SH3RF2: variants seen among roughly 807,000 people sequenced by gnomAD.
SH3RF2 encodes the protein E3 ubiquitin-protein ligase SH3RF2.
In SH3RF2, 43 loss-of-function variants were observed where a neutral mutation model predicts 59.0. That is an observed-to-expected ratio of 0.73 (90% CI 0.57 to 0.94). The LOEUF (loss-of-function observed/expected upper bound fraction) is 0.94, where lower values mean the gene tolerates loss of function less well. Among genes scored for constraint, SH3RF2 ranks in the 40% least tolerant of loss-of-function variants. The pLI is 0.00. For missense variants in SH3RF2, 930 were observed against 940.1 expected, an observed-to-expected ratio of 0.99 and a Z score of 0.14; for synonymous variants, 391 against 391.5, an observed-to-expected ratio of 1.00 and a Z score of 0.01.
intron 5 of SH3RF2, among the ~76,000 whole-genome samples, chr5:146,031,363 A>G (rs1446288342): frequency 6.6e-6 from 1 of 152,236 alleles, no homozygotes; most frequent in African/African-American, 2.4e-5. Flanking sequence ...ATGAGTGGTG[A>G]AGCGAGTGAA....
chr5:146,074,819 C>T (rs1763311044), intron 9 of SH3RF2, among the ~76,000 whole-genome samples: 1 of 151,808 alleles, frequency 6.6e-6, no homozygotes, highest in Non-Finnish European at 1.5e-5. Flanking sequence ...CCCCTCACTC[C>T]CCCAACCTTT....
chr5:146,000,507 T>C (rs1263396897), intron 3 of SH3RF2, among the ~76,000 whole-genome samples, 180 bp downstream of exon 3: 1 of 152,196 alleles, frequency 6.6e-6, no homozygotes, highest in Non-Finnish European at 1.5e-5. Flanking sequence ...ATATATGTAG[T>C]GCATATATAT....
chr5:146,014,702 G>T (rs1761039566), intron 5 of SH3RF2, among the ~76,000 whole-genome samples: 2 of 152,304 alleles, frequency 1.3e-5, no homozygotes, highest in South Asian at 4.1e-4. Flanking sequence ...CCAGCCCTGG[G>T]TGTTTCCAGA....
chr5:146,040,665 A>C (rs561434287), intron 5 of SH3RF2, among the ~76,000 whole-genome samples: 105 of 152,250 alleles, frequency 6.9e-4, no homozygotes, highest in Admixed American at 1.4e-3. Context: ...TTTGAGATGA[A>C]CCTAAAGGGA....
intron 2 of SH3RF2, chr5:145,997,906 A>G: frequency 1.1e-6 from 1 of 876,686 alleles, no homozygotes; most frequent in Non-Finnish European, 2.0e-6. Context: ...GCAAACACCA[A>G]ATCAGAATCC....
chr5:145,978,235 G>T (rs1759370991), intron 2 of SH3RF2, among the ~76,000 whole-genome samples: 1 of 152,112 alleles, frequency 6.6e-6, no homozygotes, highest in Non-Finnish European at 1.5e-5. Context: ...TTTAAGCCGA[G>T]GATACCTTTC....
In SH3RF2 at chr5:146,014,035, G is replaced by A. The variant is rs1761015518; in HGVS notation, c.1033G>A (p.Asp345Asn). ...GATCACCCAGCCCATGGAGAAAGCA[G>A]ACGTTCCTTCCAGCTGTGTGGGACA... ...SVITQPMEKA[D>N]VPSSCVGQVS... The change falls in exon 5 of 10, where the codon GAC becomes AAC. Residue 345 changes from aspartate to asparagine, a missense_variant. Physicochemically the swap from Asp to Asn is conservative, Grantham distance 23. Transcript: ENST00000359120. The A allele has an allele frequency of 6.2e-7, 1 of 1,614,112 alleles. No homozygotes were observed. Among genetic ancestry groups the A allele is most frequent in the Non-Finnish European group, 8.5e-7 (1 of 1,180,010 alleles).
Position 146,013,750 on chromosome 5 carries a change from A to T in SH3RF2, c.748A>T (p.Asn250Tyr), listed in dbSNP as rs746404207. 15 of 1,613,584 alleles carry T rather than the reference A, an allele frequency of 9.3e-6. No individual in the cohort carries two copies. Among genetic ancestry groups the T allele is most frequent in the Non-Finnish European group, 1.2e-5 (14 of 1,179,916 alleles). The change falls in exon 5 of 10, where the codon AAC becomes TAC. Residue 250 changes from asparagine to tyrosine, a missense_variant. Physicochemically the swap from Asn to Tyr is moderately radical, Grantham distance 143. Coordinates refer to ENST00000359120, the MANE Select transcript of SH3RF2 (RefSeq NM_152550.4). ...ATTGGACCTTTTGTCTTTTCAGCCA[A>T]ACCTCACCGCAAGACACCTTTTAGA... The part of the protein sequence containing the change: ...GIFPILFVEP[N>Y]LTARHLLEKN...
At chr5:145,945,460 T>C (rs1287776847) in intron 2 of SH3RF2, among the ~76,000 whole-genome samples, 1 of 152,124 alleles carries the variant, frequency 6.6e-6, no homozygotes, top group East Asian at 1.9e-4. Flanking sequence ...GAAATGATGG[T>C]TTATGAAAAT....
chr5:145,983,264 T>TG (rs1554112865), intron 2 of SH3RF2, among the ~76,000 whole-genome samples: 6 of 145,654 alleles, frequency 4.1e-5, no homozygotes, highest in Non-Finnish European at 8.9e-5. Flanking sequence ...TTTTTTTTTT[T>TG]GAGAGCTGAC....
chr5:145,964,955 G>A (rs1314809669), intron 2 of SH3RF2, among the ~76,000 whole-genome samples: 17 of 152,168 alleles, frequency 1.1e-4, no homozygotes. Context: ...CACTTTGGGA[G>A]GCCGAGGCAG....
intron 2 of SH3RF2, among the ~76,000 whole-genome samples, chr5:145,966,473 G>A (rs1006066796): frequency 4.7e-5 from 7 of 148,072 alleles, no homozygotes; most frequent in African/African-American, 1.6e-4. Context: ...ATAAATGTTC[G>A]CTATTGTTGT....
At chr5:145,939,251 G>C (rs551129698) in intron 2 of SH3RF2, among the ~76,000 whole-genome samples, 1 of 152,196 alleles carries the variant, frequency 6.6e-6, no homozygotes, top group Non-Finnish European at 1.5e-5. Context: ...TTGGGCCATT[G>C]GCATACTTAG....
At chr5:146,076,195 ATAAATGTCGT>A (rs929939182) in intron 9 of SH3RF2, among the ~76,000 whole-genome samples, 5 of 152,174 alleles carry the variant, frequency 3.3e-5, no homozygotes, top group Admixed American at 3.3e-4. Flanking sequence ...TTACATCACA[ATAAATGTCGT>A]TAAAAAGAGC....
chr5:146,018,184 T>A (rs770618798), intron 5 of SH3RF2, among the ~76,000 whole-genome samples: 1 of 152,196 alleles, frequency 6.6e-6, no homozygotes, highest in Admixed American at 6.5e-5. Context: ...GAGATTTTAA[T>A]GTACCCATCA....
chr5:145,997,599 T>A, intron 2 of SH3RF2: 1 of 1,602,954 alleles, frequency 6.2e-7, no homozygotes, highest in Non-Finnish European at 8.5e-7. Flanking sequence ...GAGAAAAGGT[T>A]TTAAGTTTAA....
At chr5:146,069,103 G>A (rs1763172240) in intron 9 of SH3RF2, among the ~76,000 whole-genome samples, 1 of 152,068 alleles carries the variant, frequency 6.6e-6, no homozygotes, top group African/African-American at 2.4e-5. Flanking sequence ...AGAGATATTT[G>A]GTAAACACTA....
intron 2 of SH3RF2, among the ~76,000 whole-genome samples, chr5:145,939,932 G>A (rs1453699554): frequency 2.0e-5 from 3 of 152,136 alleles, no homozygotes; most frequent in African/African-American, 7.2e-5. Context: ...GAATATTTTT[G>A]TTGTGGTTTA....
In SH3RF2 at chr5:146,049,125, T is replaced by C; in HGVS notation, c.1202T>C (p.Leu401Pro). The C allele has an allele frequency of 1.2e-6, 2 of 1,614,128 alleles. No individual in the cohort carries two copies. Among genetic ancestry groups the C allele is most frequent in the East Asian group, 4.5e-5 (2 of 44,878 alleles). ...GCCCATGGACCCGATGAGCTGGACC[T>C]GCAAAAGGGAGAAGGCGTCAGGGTC... is the stretch of plus-strand genomic sequence containing the variant. ...YSAHGPDELD[L>P]QKGEGVRVLG... The change falls in exon 7 of 10, where the codon CTG (leucine) becomes CCG (proline). Residue 401 changes from leucine to proline, a missense_variant. By Grantham distance (98) the Leu-to-Pro change is moderately conservative. Transcript: ENST00000359120.
Sources: gnomAD v4.1 joint callset for allele counts (sites outside exome capture counted in the v4.1 genomes callset) on GRCh38, gnomAD v4.1.1 for gene constraint, MANE v1.5 for transcripts, NCBI Gene and HGNC (gene_info 2026-07-23, HGNC 2026-07-21) for gene names.